Variants in CDK14 observed in about 807,000 individuals in gnomAD.
CDK14 encodes cyclin dependent kinase 14.
CDK14 carries 34 observed loss-of-function variants against 60.7 expected under a neutral mutation model. The observed-to-expected ratio is 0.56, with a 90% CI of 0.43 to 0.75. The LOEUF (loss-of-function observed/expected upper bound fraction) is 0.75. CDK14 is among the 30% of genes least tolerant of loss of function. CDK14 has a pLI of 0.00. For missense variants in CDK14, 482 were observed against 564.1 expected (o/e 0.85, Z 1.47); for synonymous variants, 197 against 203.7 (o/e 0.97, Z 0.28).
intron 2 of CDK14, among the ~76,000 whole-genome samples, chr7:90,689,039 T>A (rs1016022451): frequency 5.9e-5 from 9 of 152,140 alleles, no homozygotes; most frequent in Admixed American, 3.9e-4. Flanking sequence ...GAGCTTGAGC[T>A]CTGTCCTCCA....
intron 14 of CDK14, among the ~76,000 whole-genome samples, chr7:91,152,928 A>C (rs1800866415): frequency 6.6e-6 from 1 of 152,198 alleles, no homozygotes; most frequent in African/African-American, 2.4e-5. Flanking sequence ...GTATGTCAAG[A>C]ACAGAAAGAA....
intron 4 of CDK14, among the ~76,000 whole-genome samples, chr7:90,767,099 T>G (rs754924638): frequency 1.4e-3 from 217 of 152,190 alleles, no homozygotes; most frequent in Non-Finnish European, 1.2e-3. Flanking sequence ...TACTGACCCA[T>G]GCTAAACCAA....
At chr7:90,877,020 A>G (rs1388510492) in intron 6 of CDK14, among the ~76,000 whole-genome samples, 2 of 152,186 alleles carry the variant, frequency 1.3e-5, no homozygotes, top group Non-Finnish European at 2.9e-5. Context: ...GAAAATAATT[A>G]TGGCTGTCAA....
At chr7:90,798,547 A>T (rs965831444) in intron 5 of CDK14, among the ~76,000 whole-genome samples, 2 of 152,186 alleles carry the variant, frequency 1.3e-5, no homozygotes, top group African/African-American at 4.8e-5. Flanking sequence ...TGTGTTGATC[A>T]ATTTCTCATT....
At chr7:91,198,866 A>G (rs891652267) in intron 14 of CDK14, among the ~76,000 whole-genome samples, 4 of 152,218 alleles carry the variant, frequency 2.6e-5, no homozygotes, top group African/African-American at 9.6e-5. Flanking sequence ...AAATCCACCC[A>G]AAGTAGAGTC....
intron 10 of CDK14, among the ~76,000 whole-genome samples, chr7:91,042,995 C>G (rs533554541): frequency 1.3e-5 from 2 of 152,242 alleles, no homozygotes; most frequent in African/African-American, 4.8e-5. Flanking sequence ...TTCCTTTGCC[C>G]ACTTTCTGCC....
At chr7:90,817,026 T>C (rs908380403) in intron 5 of CDK14, among the ~76,000 whole-genome samples, 1 of 152,134 alleles carries the variant, frequency 6.6e-6, no homozygotes, top group Non-Finnish European at 1.5e-5. Context: ...TCACCACAGA[T>C]TATATCTGAT....
chr7:91,062,824 G>A (rs1475374202), intron 11 of CDK14, among the ~76,000 whole-genome samples: 14 of 152,186 alleles, frequency 9.2e-5, no homozygotes, highest in African/African-American at 2.7e-4. Context: ...CACCTGTGTG[G>A]TGAGCTGGGT....
chr7:91,197,040 G>A (rs1426928444), intron 14 of CDK14, among the ~76,000 whole-genome samples: 1 of 152,124 alleles, frequency 6.6e-6, no homozygotes, highest in Non-Finnish European at 1.5e-5. Context: ...TAATCCTGTT[G>A]TTCCTTTGGT....
chr7:90,937,180 C>G (rs1285242154), intron 8 of CDK14, among the ~76,000 whole-genome samples: 6 of 152,126 alleles, frequency 3.9e-5, no homozygotes, highest in Admixed American at 3.9e-4. Flanking sequence ...TCAAATTCTA[C>G]ATTGTTGTGT....
chr7:91,060,942 G>T (rs1196195298), intron 11 of CDK14, among the ~76,000 whole-genome samples: 1 of 152,064 alleles, frequency 6.6e-6, no homozygotes, highest in Non-Finnish European at 1.5e-5. Flanking sequence ...TCTGAATTTT[G>T]GCCTGCCTTG....
At chr7:90,860,391 C>T (rs1170626658) in intron 5 of CDK14, among the ~76,000 whole-genome samples, 1 of 151,806 alleles carries the variant, frequency 6.6e-6, no homozygotes. Flanking sequence ...GGAGATAATC[C>T]AAAAGGCGGA....
chr7:91,036,920 T>G (rs1335208999), intron 10 of CDK14, among the ~76,000 whole-genome samples: 1 of 152,174 alleles, frequency 6.6e-6, no homozygotes, highest in Non-Finnish European at 1.5e-5. Flanking sequence ...TTCTGTTGGT[T>G]AGAAGTTCCT....
chr7:90,699,294 G>A (rs1377917811), intron 2 of CDK14, among the ~76,000 whole-genome samples: 1 of 152,172 alleles, frequency 6.6e-6, no homozygotes, highest in Non-Finnish European at 1.5e-5. Context: ...ACCCAGGATG[G>A]GAGTCTGTGG....
At chr7:91,124,513 T>G (rs886385377) in intron 14 of CDK14, among the ~76,000 whole-genome samples, 6 of 152,102 alleles carry the variant, frequency 3.9e-5, no homozygotes, top group Non-Finnish European at 8.8e-5. Context: ...TTCCTTTTTT[T>G]TTTCTCTGAT....
intron 12 of CDK14, among the ~76,000 whole-genome samples, chr7:91,096,136 C>G (rs1267470478): frequency 1.4e-5 from 2 of 147,444 alleles, no homozygotes; most frequent in African/African-American, 5.0e-5. Flanking sequence ...CCAAAGGTGG[C>G]TCCCAGCGAT....
intron 14 of CDK14, among the ~76,000 whole-genome samples, chr7:91,160,567 C>T (rs1801138590): frequency 6.6e-6 from 1 of 152,148 alleles, no homozygotes; most frequent in South Asian, 2.1e-4. Context: ...TTCTGTTCAA[C>T]AGATTATTGA....
chr7:91,177,351 T>TGC (rs2115849318), intron 14 of CDK14, among the ~76,000 whole-genome samples: 1 of 147,210 alleles, frequency 6.8e-6, no homozygotes, highest in East Asian at 2.0e-4. Flanking sequence ...ACAGCCAATA[T>TGC]CATACTGAAT....
At chr7:91,131,807 T>TC (rs1800126714) in intron 14 of CDK14, among the ~76,000 whole-genome samples, 1 of 152,150 alleles carries the variant, frequency 6.6e-6, no homozygotes, top group Admixed American at 6.6e-5. Flanking sequence ...TTGTCTTCCT[T>TC]CCCCACTGGA....
Sources: allele counts gnomAD v4.1 joint callset (sites outside exome capture counted in the v4.1 genomes callset), GRCh38; gene constraint gnomAD v4.1.1; transcripts MANE v1.5; gene names NCBI Gene and HGNC (gene_info 2026-07-23, HGNC 2026-07-21).